TNFRSF9: variants seen among roughly 807,000 people sequenced by gnomAD.
TNFRSF9 encodes tumor necrosis factor receptor superfamily member 9.
In TNFRSF9, 16 loss-of-function variants were observed where a neutral mutation model predicts 28.8. The ratio of observed to expected loss-of-function variants is 0.55; its 90% CI spans 0.38 to 0.84. The LOEUF is 0.84. Among genes scored for constraint, TNFRSF9 ranks in the 40% least tolerant of loss-of-function variants. The probability of loss-of-function intolerance (pLI) is 0.00; values close to 1 mark genes in which losing one functional copy is unlikely to be tolerated. For synonymous variants in TNFRSF9, 131 were observed against 117.0 expected (o/e 1.12, Z -0.77); for missense variants, 303 against 315.0 (o/e 0.96, Z 0.29).
intron 7 of TNFRSF9, among the ~76,000 whole-genome samples, chr1:7,928,578 T>C (rs1392335796): frequency 6.6e-6 from 1 of 152,202 alleles, no homozygotes; most frequent in Non-Finnish European, 1.5e-5. Flanking sequence ...AGAATCAAAA[T>C]GGAGTAACTT....
intron 2 of TNFRSF9, among the ~76,000 whole-genome samples, chr1:7,939,592 A>G (rs982420360): frequency 2.0e-5 from 3 of 152,024 alleles, no homozygotes; most frequent in African/African-American, 7.3e-5. Context: ...CTACACACAA[A>G]ACTAACATTT....
rs999210342 is a variant in TNFRSF9, at chr1:7,916,519, G to A, written c.*4316C>T. ...GTAACCTAGGACACATGAGAGCCTC[G>A]CTCCATTATCTTGGATACCCCAACC... On this transcript the variant is annotated 3_prime_UTR_variant, in exon 8 of 8. Coordinates refer to ENST00000377507, the MANE Select transcript of TNFRSF9 (RefSeq NM_001561.6). The A allele has an allele frequency of 2.6e-5, 4 of 152,148 alleles. No individual in the cohort carries two copies. Among genetic ancestry groups the A allele is most frequent in the East Asian group, 1.9e-4 (1 of 5,200 alleles). 9.4% of individuals were successfully genotyped at this position (152,148 alleles called of 1,614,324 possible).
Position 7,938,848 on chromosome 1 carries a change from G to A in TNFRSF9, c.101-20C>T. ...ATGTACCTAAGAAAGGCAGACAATA[G>A]TGGTACACGTTTGACAATGGGCAAT... On this transcript the variant is annotated intron_variant, in intron 2 of 7. Coordinates refer to ENST00000377507, the MANE Select transcript of TNFRSF9 (RefSeq NM_001561.6). 3 of 1,562,750 alleles carry A rather than the reference G, an allele frequency of 1.9e-6. No homozygotes were observed. The highest frequency in any genetic ancestry group is 2.6e-6 in the Non-Finnish European group (3 of 1,135,492).
chr1:7,921,830 G>T (rs1639564821), intron 7 of TNFRSF9: 1 of 151,912 alleles, frequency 6.6e-6, no homozygotes, highest in Admixed American at 6.6e-5. Flanking sequence ...TTCTACATTA[G>T]CTAAAAAAGC....
rs535459580 is a variant in TNFRSF9, at chr1:7,918,010, T to G, written c.*2825A>C. The G allele has an allele frequency of 2.6e-4, 39 of 150,150 alleles. No individual in the cohort carries two copies. The highest frequency in any genetic ancestry group is 9.8e-4 in the African/African-American group (39 of 39,864). 9.3% of individuals were successfully genotyped at this position (150,150 alleles called of 1,614,324 possible). A position where few individuals can be genotyped will look rare whatever the true frequency, so the allele number is the denominator to read the frequency against. ...TAGATAGATAGATAGATAGGCAGAA[T>G]TTCACTCTTGTCACCCAGTCTGGAG... is the stretch of plus-strand genomic sequence containing the variant. On this transcript the variant is annotated 3_prime_UTR_variant, in exon 8 of 8. Transcript: ENST00000377507.
chr1:7,939,322 A>G (rs1639866864), intron 2 of TNFRSF9, among the ~76,000 whole-genome samples: 2 of 143,330 alleles, frequency 1.4e-5, no homozygotes, highest in Admixed American at 1.4e-4. Flanking sequence ...TGTGTCTCAA[A>G]AAAAAAAAAA....
intron 4 of TNFRSF9, 62 bp from the exon 5 acceptor site, chr1:7,937,818 C>CTGTGA: frequency 4.9e-6 from 7 of 1,414,934 alleles, no homozygotes; most frequent in Non-Finnish European, 7.0e-6. Context: ...GTAACTTTTC[C>CTGTGA]TGTGATGAAC....
Position 7,938,338 on chromosome 1 carries a change from G to A in TNFRSF9, c.209-8C>T. On this transcript the variant is annotated splice_region_variant and splice_polypyrimidine_tract_variant and intron_variant, in intron 3 of 7. Transcript: ENST00000377507. ...TCCTGGTCCTGAAAACACCTACAAAGTCCCCCCAGCCCCCAACATTTTATT... is the reference window on the plus strand; with the variant it reads ...TCCTGGTCCTGAAAACACCTACAAAATCCCCCCAGCCCCCAACATTTTATT... 1.3e-6 allele frequency: 2 copies of A among 1,595,690 alleles called. No homozygotes were observed. The highest frequency in any genetic ancestry group is 1.7e-6 in the Non-Finnish European group (2 of 1,171,108).
chr1:7,930,226 C>G (rs558626384), intron 7 of TNFRSF9, among the ~76,000 whole-genome samples: 2 of 152,102 alleles, frequency 1.3e-5, no homozygotes, highest in South Asian at 2.1e-4. Flanking sequence ...CCTCAGCCCC[C>G]CAGAATGCTA....
At position 7,917,745 on chromosome 1, in the gene TNFRSF9, C is replaced by G. The variant is rs887811629; in HGVS notation, c.*3090G>C. The G allele has an allele frequency of 2.0e-5, 3 of 151,482 alleles. No homozygotes were observed. The highest frequency in any genetic ancestry group is 4.4e-5 in the Non-Finnish European group (3 of 67,930). The allele number at this position is 151,482 out of a possible 1,614,324, so 9.4% of individuals were successfully genotyped here. On this transcript the variant is annotated 3_prime_UTR_variant, in exon 8 of 8. Coordinates refer to ENST00000377507, the MANE Select transcript of TNFRSF9 (RefSeq NM_001561.6). ...TTACCAGAAAGACAAAGAAAGACAC[C>G]ATTAATTAGAGAAAAACAGGAGGGG...
At chr1:7,934,226 A>C (rs1342482202) in intron 6 of TNFRSF9, among the ~76,000 whole-genome samples, 1 of 151,752 alleles carries the variant, frequency 6.6e-6, no homozygotes, top group Non-Finnish European at 1.5e-5. Flanking sequence ...AAAAATAAAA[A>C]ATTAGCCAGG....
At chr1:7,932,900 G>A (rs147006515) in intron 7 of TNFRSF9, among the ~76,000 whole-genome samples, 14 of 152,140 alleles carry the variant, frequency 9.2e-5, no homozygotes, top group Middle Eastern at 3.4e-3. Context: ...AGGCTGTCCC[G>A]TGCACGGTAG....
At chr1:7,934,712 CAAAAAAAAAG>C (rs1557429249) in intron 6 of TNFRSF9, among the ~76,000 whole-genome samples, 1 of 149,566 alleles carries the variant, frequency 6.7e-6, no homozygotes, top group Admixed American at 6.7e-5. Flanking sequence ...CTCTTAAAAA[CAAAAAAAAAG>C]AAAAGAAAAG....
rs1205557113 is a variant in TNFRSF9 at position 7,917,957 on chromosome 1, T to G, written c.*2878A>C. On this transcript the variant is annotated 3_prime_UTR_variant, in exon 8 of 8. Transcript: ENST00000377507. ...AAAGGGAAAAATAAATTACAAAGGA[T>G]ATATATATATATATATATAGATATA... 2.3e-5 allele frequency: 3 copies of G among 128,502 alleles called. No individual in the cohort carries two copies. The highest frequency in any genetic ancestry group is 3.7e-5 in the African/African-American group (1 of 27,268). The allele number at this position is 128,502 out of a possible 1,614,324, so 8.0% of individuals were successfully genotyped here.
intron 7 of TNFRSF9, among the ~76,000 whole-genome samples, chr1:7,922,444 C>T (rs1033798566): frequency 1.3e-5 from 2 of 152,168 alleles, no homozygotes; most frequent in Non-Finnish European, 2.9e-5. Context: ...TTTCTTTCTG[C>T]CTCATTTCCC....
At chr1:7,936,773 A>T (rs1639822023) in intron 5 of TNFRSF9, among the ~76,000 whole-genome samples, 1 of 152,244 alleles carries the variant, frequency 6.6e-6, no homozygotes. Context: ...TACAACGCCC[A>T]AATTTTTATT....
At chr1:7,934,328 T>C (rs375489975) in intron 6 of TNFRSF9, among the ~76,000 whole-genome samples, 2 of 136,708 alleles carry the variant, frequency 1.5e-5, no homozygotes. Context: ...AGTGAGCCAA[T>C]ATCAAGCCAC....
At chr1:7,936,848 A>C (rs1361795693) in intron 5 of TNFRSF9, among the ~76,000 whole-genome samples, 1 of 152,086 alleles carries the variant, frequency 6.6e-6, no homozygotes, top group African/African-American at 2.4e-5. Context: ...TTACTCTCTA[A>C]CCCTACACCA....
intron 1 of TNFRSF9, 77 bp downstream of exon 1, chr1:7,940,707 A>C (rs928017285): frequency 1.0e-4 from 16 of 152,416 alleles, no homozygotes; most frequent in African/African-American, 3.6e-4. Context: ...GAAAAAGTCT[A>C]GAAATGGGCA....
Sources: allele counts gnomAD v4.1 joint callset (sites outside exome capture counted in the v4.1 genomes callset), GRCh38; gene constraint gnomAD v4.1.1; transcripts MANE v1.5; gene names NCBI Gene and HGNC (gene_info 2026-07-23, HGNC 2026-07-21).